WWC2: variants seen among roughly 807,000 people sequenced by gnomAD.
WWC2 encodes the protein WW and C2 domain containing 2.
In WWC2, 101 loss-of-function variants were observed where a neutral mutation model predicts 138.5. That is an observed-to-expected ratio of 0.73 (90% CI 0.62 to 0.86). The LOEUF (loss-of-function observed/expected upper bound fraction) is 0.86. WWC2 is among the 40% of genes least tolerant of loss of function. The pLI, the probability that WWC2 is intolerant of heterozygous loss-of-function variation, is 0.00. For missense variants in WWC2, 1,420 were observed against 1,419.4 expected (o/e 1.00, Z -0.01); for synonymous variants, 558 against 538.4 (o/e 1.04, Z -0.50).
chr4:183,104,700 T>G (rs994628354), intron 1 of WWC2, among the ~76,000 whole-genome samples: 5 of 152,190 alleles, frequency 3.3e-5, no homozygotes, highest in African/African-American at 1.2e-4. Flanking sequence ...GAAGCACTAA[T>G]TTAAAGTATG....
rs574309917 is a variant in WWC2, at chr4:183,260,966, C to T, written c.1343C>T (p.Ser448Leu). Residue 448 changes from serine (S) to leucine (L), a missense_variant, in exon 11 of 23, where the codon TCG (serine) becomes TTG (leucine). Coordinates refer to ENST00000403733, the MANE Select transcript of WWC2 (RefSeq NM_024949.6). ...GGGAGCAGCCTGGGTTCCCTGGCAT[C>T]GAGTCGGGGCTCTCTGAACACCTCC... ...SSGSSLGSLA[S>L]SRGSLNTSSR... 2.5e-6 allele frequency: 4 copies of T among 1,613,850 alleles called. No homozygotes were observed. The highest frequency in any genetic ancestry group is 1.7e-5 in the Admixed American group (1 of 60,010).
At position 183,269,043 on chromosome 4, in the gene WWC2, C is replaced by G. The variant is rs375825701; in HGVS notation, c.2280C>G (p.Pro760=). The change falls in exon 15 of 23, where the codon CCC becomes CCG. Residue 760 remains proline (P), a synonymous_variant. Transcript: ENST00000403733. The part of the protein sequence containing the change: ...SCLFRTKVHP[P]TESILFNDVF... ...TGTTTCGCACAAAAGTTCATCCGCC[C>G]ACAGAATCCATTTTATTCAATGATG... The G allele has an allele frequency of 3.7e-6, 6 of 1,613,756 alleles. No homozygotes were observed. The Admixed American group carries it at 6.7e-5, about 18-fold the overall frequency.
chr4:183,251,265 C>G (rs1036958108), intron 8 of WWC2, among the ~76,000 whole-genome samples: 1 of 152,214 alleles, frequency 6.6e-6, no homozygotes, highest in African/African-American at 2.4e-5. Flanking sequence ...AATGTGCCAG[C>G]TTTCGGTAGA....
intron 1 of WWC2, among the ~76,000 whole-genome samples, chr4:183,133,025 TTTTTTCCTTTTC>T (rs920212586): frequency 2.2e-5 from 3 of 136,138 alleles, no homozygotes; most frequent in Non-Finnish European, 4.7e-5. Context: ...TCCCTTCCCT[TTTTTTCCTTTTC>T]TTTTCCCTTC....
chr4:183,207,176 CTCTAGTTGG>C (rs1469276127), intron 2 of WWC2, among the ~76,000 whole-genome samples: 1 of 119,810 alleles, frequency 8.3e-6, no homozygotes, highest in Non-Finnish European at 1.7e-5. Context: ...TCCACAGAAA[CTCTAGTTGG>C]TCTGGGTTTT....
At position 183,315,794 on chromosome 4, in the gene WWC2, ATTTGTG is replaced by A; in HGVS notation, c.*69_*74del. The A allele has an allele frequency of 7.3e-7, 1 of 1,377,822 alleles. No homozygotes were observed. The highest frequency in any genetic ancestry group is 1.0e-6 in the Non-Finnish European group (1 of 1,004,308). 85.3% of individuals were successfully genotyped at this position (1,377,822 alleles called of 1,614,324 possible). On this transcript the variant is annotated 3_prime_UTR_variant, in exon 23 of 23. Transcript: ENST00000403733. ...TCTTAGGGAGGGTAAAAGACTGAAG[ATTTGTG>A]TTTTTGTTTTGGTGTTTGGTTTTTT...
intron 22 of WWC2, among the ~76,000 whole-genome samples, chr4:183,313,335 T>TTTTA (rs1421882590): frequency 6.6e-6 from 1 of 151,600 alleles, no homozygotes; most frequent in Non-Finnish European, 1.5e-5. Context: ...TGGGGATGGG[T>TTTTA]TTTATGTAGG....
At chr4:183,312,813 C>T (rs1243383871) in intron 22 of WWC2, among the ~76,000 whole-genome samples, 1 of 152,194 alleles carries the variant, frequency 6.6e-6, no homozygotes, top group Non-Finnish European at 1.5e-5. Flanking sequence ...CCTTGGGCAG[C>T]CCCAGAAACC....
intron 7 of WWC2, among the ~76,000 whole-genome samples, chr4:183,249,194 A>G (rs1338360853): frequency 6.6e-6 from 1 of 152,176 alleles, no homozygotes; most frequent in Admixed American, 6.5e-5. Flanking sequence ...TTTCAAATAA[A>G]CATTAGGCCA....
At chr4:183,136,929 C>T (rs570647023) in intron 1 of WWC2, among the ~76,000 whole-genome samples, 1 of 152,170 alleles carries the variant, frequency 6.6e-6, no homozygotes, top group Non-Finnish European at 1.5e-5. Flanking sequence ...GCCTATTCCT[C>T]CTAGGTTACA....
At chr4:183,117,166 G>A (rs889753419) in intron 1 of WWC2, among the ~76,000 whole-genome samples, 1 of 147,874 alleles carries the variant, frequency 6.8e-6, no homozygotes, top group African/African-American at 2.5e-5. Context: ...GAAGGATAGA[G>A]AATTTTCAAA....
intron 17 of WWC2, chr4:183,281,468 T>A (rs1264897077): frequency 6.6e-6 from 1 of 152,618 alleles, no homozygotes; most frequent in African/African-American, 2.4e-5. Flanking sequence ...GATTGTACTG[T>A]TTCTCTTAAA....
intron 3 of WWC2, among the ~76,000 whole-genome samples, chr4:183,208,457 C>G (rs370934547): frequency 9.9e-5 from 15 of 152,086 alleles, no homozygotes; most frequent in African/African-American, 3.4e-4. Context: ...GTAGTTTGGC[C>G]CTTTTTGCTA....
chr4:183,135,195 C>G (rs549256947), intron 1 of WWC2, among the ~76,000 whole-genome samples: 2 of 151,968 alleles, frequency 1.3e-5, no homozygotes, highest in Non-Finnish European at 2.9e-5. Flanking sequence ...CTGGGATTAC[C>G]GGAGTGAGCG....
At chr4:183,226,636 GCT>G (rs1303405112) in intron 4 of WWC2, among the ~76,000 whole-genome samples, 1 of 151,882 alleles carries the variant, frequency 6.6e-6, no homozygotes, top group Non-Finnish European at 1.5e-5. Flanking sequence ...CAATAGAATA[GCT>G]CTGCAATATT....
At chr4:183,148,159 C>T (rs1339085023) in intron 1 of WWC2, among the ~76,000 whole-genome samples, 4 of 152,138 alleles carry the variant, frequency 2.6e-5, no homozygotes, top group African/African-American at 2.4e-5. Flanking sequence ...ACGTTTTCCC[C>T]TTCATGGACA....
intron 22 of WWC2, 51 bp from the exon 23 acceptor site, chr4:183,315,608 CCAGA>C (rs1739407394): frequency 6.9e-7 from 1 of 1,448,748 alleles, no homozygotes; most frequent in Non-Finnish European, 9.6e-7. Flanking sequence ...TTTAATGGTC[CCAGA>C]GTATTTTTAG....
intron 4 of WWC2, among the ~76,000 whole-genome samples, chr4:183,225,202 T>G (rs1280421262): frequency 1.3e-5 from 2 of 152,242 alleles, no homozygotes; most frequent in Non-Finnish European, 2.9e-5. Flanking sequence ...AACTTGTGTG[T>G]AAGTTCTTAT....
intron 6 of WWC2, among the ~76,000 whole-genome samples, chr4:183,246,226 A>G (rs1440730401): frequency 6.6e-6 from 1 of 152,156 alleles, no homozygotes; most frequent in Non-Finnish European, 1.5e-5. Flanking sequence ...AATACAGTCA[A>G]GTTTTTTTTT....
Sources: gnomAD v4.1 joint callset for allele counts (sites outside exome capture counted in the v4.1 genomes callset) on GRCh38, gnomAD v4.1.1 for gene constraint, MANE v1.5 for transcripts, NCBI Gene and HGNC (gene_info 2026-07-23, HGNC 2026-07-21) for gene names.